Variants in CNGB1 observed in about 807,000 individuals in gnomAD.
The protein encoded by CNGB1 is cyclic nucleotide gated channel subunit beta 1, also known as cyclic nucleotide-gated channel beta-1.
Under a neutral mutation model 151.7 loss-of-function variants are expected in CNGB1, and 126 were observed. The observed-to-expected ratio is 0.83, with a 90% CI of 0.72 to 0.96. CNGB1 has a LOEUF of 0.96. CNGB1 is among the 40% of genes least tolerant of loss of function. The probability of loss-of-function intolerance (pLI) is 0.00; values close to 1 mark genes in which losing one functional copy is unlikely to be tolerated. For missense variants in CNGB1, 1,698 were observed against 1,627.0 expected (o/e 1.04, Z -0.75); for synonymous variants, 623 against 635.1 (o/e 0.98, Z 0.29).
rs533656724 is a variant in CNGB1, at chr16:57,888,001, G to A, written c.3316C>T (p.Pro1106Ser). The A allele has an allele frequency of 1.2e-6, 2 of 1,614,176 alleles. No individual in the cohort carries two copies. The highest frequency in any genetic ancestry group is 2.2e-5 in the South Asian group (2 of 91,078). ...GCGAGGGCAGCGTTGAAGAGCTTTGGGGTGCCCGCCCGGGGTGGAAGGATC... is the reference window on the plus strand; with the variant it reads ...GCGAGGGCAGCGTTGAAGAGCTTTGAGGTGCCCGCCCGGGGTGGAAGGATC... The part of the protein sequence containing the change: ...VLILPPRAGT[P>S]KLFNAALAMT... Residue 1106 changes from proline (P) to serine (S), a missense_variant, in exon 32 of 33, where the codon CCA (proline) becomes TCA (serine). Transcript: ENST00000251102.
intron 14 of CNGB1, among the ~76,000 whole-genome samples, chr16:57,947,317 T>A (rs1323378727): frequency 2.0e-5 from 3 of 152,136 alleles, no homozygotes; most frequent in African/African-American, 7.2e-5. Flanking sequence ...CCAGCCTGGG[T>A]GTTAGGTGTA....
intron 22 of CNGB1, 38 bp from the exon 23 acceptor site, chr16:57,915,373 T>C (rs1466432379): frequency 6.6e-7 from 1 of 1,519,824 alleles, no homozygotes; most frequent in Admixed American, 1.7e-5. Flanking sequence ...GTAAAACGGA[T>C]GACTCCAGGG....
intron 26 of CNGB1, among the ~76,000 whole-genome samples, chr16:57,904,184 A>G (rs1240532235): frequency 6.6e-6 from 1 of 152,052 alleles, no homozygotes; most frequent in Non-Finnish European, 1.5e-5. Flanking sequence ...TGTGGGGAAG[A>G]GGAAGGGAGG....
intron 26 of CNGB1, among the ~76,000 whole-genome samples, chr16:57,904,182 A>G (rs534268881): frequency 6.6e-6 from 1 of 152,224 alleles, no homozygotes; most frequent in African/African-American, 2.4e-5. Flanking sequence ...GATGTGGGGA[A>G]GAGGAAGGGA....
intron 12 of CNGB1, among the ~76,000 whole-genome samples, chr16:57,951,412 T>A (rs1230054853): frequency 6.6e-6 from 1 of 152,104 alleles, no homozygotes; most frequent in Non-Finnish European, 1.5e-5. Flanking sequence ...AGCGCATTAG[T>A]GCAATTATGG....
At position 57,967,242 on chromosome 16, in the gene CNGB1, G is replaced by A. The variant is rs1185038786; in HGVS notation, c.45C>T (p.Thr15=). Residue 15 remains threonine (T), a synonymous_variant, in exon 2 of 33, where the codon ACC becomes ACT. Transcript: ENST00000251102. ...CCTCCTGCATCTTGGTCTTCCGAGG[G>A]GTCCCTGGGGGCTGAGGCAGCACCC... ...VQRVLPQPPG[T]PRKTKMQEEE... 1 of 1,614,084 alleles carries A rather than the reference G, an allele frequency of 6.2e-7. No homozygotes were observed. Among genetic ancestry groups the A allele is most frequent in the Non-Finnish European group, 8.5e-7 (1 of 1,180,010 alleles).
chr16:57,949,007 A>T (rs1961877143), intron 14 of CNGB1, among the ~76,000 whole-genome samples: 1 of 152,152 alleles, frequency 6.6e-6, no homozygotes, highest in African/African-American at 2.4e-5. Context: ...GCATATGTCC[A>T]TGCAGACAAC....
At chr16:57,898,738 C>T (rs1960302854) in intron 29 of CNGB1, among the ~76,000 whole-genome samples, 1 of 152,118 alleles carries the variant, frequency 6.6e-6, no homozygotes, top group African/African-American at 2.4e-5. Context: ...ATGCAGTGTA[C>T]TACTTATCCT....
rs772049858 is a variant in CNGB1, at chr16:57,964,538, CG to C, written c.165del (p.Glu56LysfsTer40). On this transcript the variant is annotated frameshift_variant, in exon 3 of 33. Coordinates refer to ENST00000251102, the MANE Select transcript of CNGB1 (RefSeq NM_001297.5). LOFTEE classifies it high-confidence loss of function. ...ACTTCCTCCTCCTTGAATGACTCTT[CG>C]GGGGGCTAGAGGGTTCGAACAGGAT... is the stretch of plus-strand genomic sequence containing the variant. ...EAETESESMPPEESFKEEEVA... is the reference protein window; with the variant it reads ...EAETESESMPXEESFKEEEVA... 1 of 1,611,428 alleles carries C rather than the reference CG, an allele frequency of 6.2e-7. No homozygotes were observed. The highest frequency in any genetic ancestry group is 1.7e-5 in the Admixed American group (1 of 59,904).
At chr16:57,888,345 C>T (rs533467428) in intron 31 of CNGB1, among the ~76,000 whole-genome samples, 1 of 152,288 alleles carries the variant, frequency 6.6e-6, no homozygotes, top group South Asian at 2.1e-4. Context: ...AATAACTTGT[C>T]TGAGGTCACA....
intron 29 of CNGB1, among the ~76,000 whole-genome samples, chr16:57,899,232 C>A (rs78115609): frequency 8.5e-5 from 13 of 152,298 alleles, no homozygotes; most frequent in Admixed American, 6.5e-4. Context: ...GTCTGCCATG[C>A]GCCTTCCAAT....
chr16:57,924,008 A>G (rs1196115484), intron 17 of CNGB1, among the ~76,000 whole-genome samples: 1 of 152,150 alleles, frequency 6.6e-6, no homozygotes, highest in Admixed American at 6.5e-5. Flanking sequence ...GCCATGGAGT[A>G]CCTCATTCTT....
intron 16 of CNGB1, among the ~76,000 whole-genome samples, chr16:57,933,750 T>G (rs1407691217): frequency 6.2e-5 from 9 of 145,116 alleles, no homozygotes; most frequent in African/African-American, 2.1e-4. Context: ...TGAGATGGAG[T>G]CTCGCTCTGT....
At chr16:57,959,051 C>T (rs1962169799) in intron 10 of CNGB1, among the ~76,000 whole-genome samples, 2 of 151,876 alleles carry the variant, frequency 1.3e-5, no homozygotes, top group Admixed American at 1.3e-4. Flanking sequence ...CTGCACCCAG[C>T]CTGTATCCCA....
chr16:57,949,143 T>G (rs1961882893), intron 14 of CNGB1, among the ~76,000 whole-genome samples: 1 of 150,984 alleles, frequency 6.6e-6, no homozygotes, highest in Non-Finnish European at 1.5e-5. Context: ...TGGGGGGGGA[T>G]GTGGAGTGGT....
At chr16:57,962,813 T>C in intron 6 of CNGB1, 29 bp downstream of exon 6, 1 of 1,612,448 alleles carries the variant, frequency 6.2e-7, no homozygotes, top group Non-Finnish European at 8.5e-7. Flanking sequence ...GCCCTGCTGC[T>C]GAAAAGCCAT....
rs746025989 is a variant in CNGB1, at chr16:57,967,106, C to T, written c.159+22G>A. The T allele has an allele frequency of 1.3e-5, 21 of 1,613,946 alleles. No homozygotes were observed. In the South Asian group the frequency reaches 2.2e-4, roughly 17 times the overall value. On this transcript the variant is annotated intron_variant, in intron 2 of 32. Coordinates refer to ENST00000251102, the MANE Select transcript of CNGB1 (RefSeq NM_001297.5). ...CCTGAGCAGCGAGGCCGGCCTGCCC[C>T]TCCTCCCGCTCTACCTCTCACCATG...
chr16:57,892,961 T>G (rs1327066586), intron 31 of CNGB1, among the ~76,000 whole-genome samples: 1 of 152,184 alleles, frequency 6.6e-6, no homozygotes, highest in Non-Finnish European at 1.5e-5. Flanking sequence ...TCATCGCTCA[T>G]CTTTCCATTG....
Position 57,949,449 on chromosome 16 carries a change from G to A in CNGB1, c.1035-10C>T, listed in dbSNP as rs766285129. 3.1e-6 allele frequency: 5 copies of A among 1,613,452 alleles called. No homozygotes were observed. Among genetic ancestry groups the A allele is most frequent in the Non-Finnish European group, 4.2e-6 (5 of 1,180,034 alleles). ...AATCCGGGACAGCTCTCTGAGTTGG[G>A]GTTAGAGGCAGGAGGTGAGCCCACC... On this transcript the variant is annotated splice_polypyrimidine_tract_variant and intron_variant, in intron 13 of 32. Coordinates refer to ENST00000251102, the MANE Select transcript of CNGB1 (RefSeq NM_001297.5).
Sources: gnomAD v4.1 joint callset for allele counts (sites outside exome capture counted in the v4.1 genomes callset) on GRCh38, gnomAD v4.1.1 for gene constraint, MANE v1.5 for transcripts, NCBI Gene and HGNC (gene_info 2026-07-23, HGNC 2026-07-21) for gene names.